The following TUSC3 variants were observed in gnomAD, a reference collection of about 807,000 sequenced individuals.
TUSC3 encodes the protein tumor suppressor candidate 3.
In TUSC3, 45 loss-of-function variants were observed where a neutral mutation model predicts 44.8. That is an observed-to-expected ratio of 1.00 (90% CI 0.79 to 1.29). TUSC3 has a LOEUF of 1.29. Among genes scored for constraint, TUSC3 ranks in the 50% most tolerant of loss-of-function variants. The pLI is 0.00. For missense variants in TUSC3, 519 were observed against 437.9 expected (o/e 1.19, Z -1.65); for synonymous variants, 212 against 152.9 (o/e 1.39, Z -2.85).
chr8:15,719,495 TCACACACACACACACACACAC>T (rs1204860628), intron 6 of TUSC3, among the ~76,000 whole-genome samples: 4,621 of 145,284 alleles, frequency 0.032, 220 homozygotes, highest in African/African-American at 0.099. Context: ...ATACAGTTCA[TCACACACACACACACACACAC>T]CACACACACA....
intron 6 of TUSC3, among the ~76,000 whole-genome samples, chr8:15,683,853 T>C (rs1223836232): frequency 1.3e-5 from 2 of 152,148 alleles, no homozygotes; most frequent in Non-Finnish European, 2.9e-5. Flanking sequence ...TGGTATATGG[T>C]GTGTATAGTC....
intron 1 of TUSC3, among the ~76,000 whole-genome samples, chr8:15,547,513 C>G (rs534137232): frequency 6.6e-6 from 1 of 151,576 alleles, no homozygotes; most frequent in African/African-American, 2.4e-5. Flanking sequence ...GATAATAAGG[C>G]TTAAATTATA....
chr8:15,596,327 G>A (rs1163410377), intron 1 of TUSC3, among the ~76,000 whole-genome samples: 4 of 152,148 alleles, frequency 2.6e-5, no homozygotes, highest in Non-Finnish European at 5.9e-5. Context: ...TTAACATGCC[G>A]TGTAAGAGTA....
intron 6 of TUSC3, 32 bp downstream of exon 6, chr8:15,673,868 A>T: frequency 6.4e-7 from 1 of 1,551,774 alleles, no homozygotes; most frequent in Non-Finnish European, 8.9e-7. Context: ...GAATATTCTG[A>T]AGTTTAATCC....
Position 15,764,427 on chromosome 8 carries a change from C to G in TUSC3, c.*271C>G. On this transcript the variant is annotated 3_prime_UTR_variant, in exon 11 of 11. Transcript: ENST00000503731. ...ACAAAGGAAATATCAAAGTGTTTTTCAAGCCTGTTATATTCAGTGTGTGCC... is the reference window on the plus strand; with the variant it reads ...ACAAAGGAAATATCAAAGTGTTTTTGAAGCCTGTTATATTCAGTGTGTGCC... 1 of 521,658 alleles carries G rather than the reference C, an allele frequency of 1.9e-6. No individual in the cohort carries two copies. Among genetic ancestry groups the G allele is most frequent in the South Asian group, 2.2e-5 (1 of 45,500 alleles). The allele number at this position is 521,658 out of a possible 1,614,324, so 32.3% of individuals were successfully genotyped here. A position where few individuals can be genotyped will look rare whatever the true frequency, so the allele number is the denominator to read the frequency against.
intron 1 of TUSC3, among the ~76,000 whole-genome samples, chr8:15,578,970 A>C (rs930138549): frequency 4.6e-5 from 7 of 152,098 alleles, no homozygotes; most frequent in Non-Finnish European, 1.0e-4. Context: ...CTGGTAAGCT[A>C]TTGATTATTG....
chr8:15,507,338 T>C (rs1480459077), intron 2 of TUSC3, among the ~76,000 whole-genome samples: 1 of 152,234 alleles, frequency 6.6e-6, no homozygotes, highest in African/African-American at 2.4e-5. Flanking sequence ...TATTATTTTT[T>C]CAGCTATCTC....
At chr8:15,510,248 C>A (rs192136780) in intron 2 of TUSC3, among the ~76,000 whole-genome samples, 1 of 151,718 alleles carries the variant, frequency 6.6e-6, no homozygotes, top group East Asian at 1.9e-4. Context: ...AAGTGGAAAC[C>A]AATGCAATAG....
the TUSC3 span, among the ~76,000 whole-genome samples, chr8:15,808,958 G>A: frequency 0.83 from 126,796 of 152,058 alleles, 53,061 homozygotes; most frequent in Non-Finnish European, 0.87. Context: ...ATTTTGTATA[G>A]TATGTACAGT....
rs1811992519 is a variant in TUSC3 at position 15,757,797 on chromosome 8, G to A, written c.1035G>A (p.Leu345=). 1 of 1,452,186 alleles carries A rather than the reference G, an allele frequency of 6.9e-7. No individual in the cohort carries two copies. Among genetic ancestry groups the A allele is most frequent in the Non-Finnish European group, 9.7e-7 (1 of 1,032,636 alleles). The allele number at this position is 1,452,186 out of a possible 1,614,324, so 90.0% of individuals were successfully genotyped here. ...ATTGTGGTGTATTGGAAAGTGATCTGGACTTTGAGTGAGAAGATGTGATTT... is the reference window on the plus strand; with the variant it reads ...ATTGTGGTGTATTGGAAAGTGATCTAGACTTTGAGTGAGAAGATGTGATTT... ...SKYHGYPYSD[L]DFE Residue 345 remains leucine, a synonymous_variant, in exon 10 of 11, where the codon CTG becomes CTA. Transcript: ENST00000503731.
At chr8:15,582,943 A>G (rs917151873) in intron 1 of TUSC3, among the ~76,000 whole-genome samples, 2 of 152,168 alleles carry the variant, frequency 1.3e-5, no homozygotes, top group African/African-American at 2.4e-5. Context: ...TATACCTCAA[A>G]TTGCAATTCT....
chr8:15,524,415 T>G (rs1002477863), intron 2 of TUSC3, among the ~76,000 whole-genome samples: 2 of 152,168 alleles, frequency 1.3e-5, no homozygotes, highest in African/African-American at 4.8e-5. Flanking sequence ...CCTTTGAGTT[T>G]GGAATAGTGT....
chr8:15,577,804 T>C (rs1803174215), intron 1 of TUSC3, among the ~76,000 whole-genome samples: 1 of 147,352 alleles, frequency 6.8e-6, no homozygotes, highest in Non-Finnish European at 1.5e-5. Flanking sequence ...CGGGCTCTTT[T>C]TTGGTTCCAT....
the TUSC3 span, among the ~76,000 whole-genome samples, chr8:15,791,926 C>G: frequency 0.019 from 2,964 of 152,184 alleles, 105 homozygotes; most frequent in African/African-American, 0.067. Context: ...AGTGTGAAAA[C>G]TCAACCGGTG....
At chr8:15,699,028 T>G (rs1809287209) in intron 6 of TUSC3, among the ~76,000 whole-genome samples, 1 of 152,044 alleles carries the variant, frequency 6.6e-6, no homozygotes, top group Non-Finnish European at 1.5e-5. Flanking sequence ...TAAAATTTTT[T>G]GTAGAGACAG....
chr8:15,561,993 A>G (rs935260798), intron 1 of TUSC3, among the ~76,000 whole-genome samples: 3 of 152,196 alleles, frequency 2.0e-5, no homozygotes, highest in African/African-American at 7.2e-5. Flanking sequence ...AGCTGTAGAC[A>G]GGAGCTGTTC....
chr8:15,609,341 C>T (rs1804663673), intron 1 of TUSC3, among the ~76,000 whole-genome samples: 1 of 152,256 alleles, frequency 6.6e-6, no homozygotes, highest in South Asian at 2.1e-4. Context: ...ACCTGCTATA[C>T]TCATTTACAC....
At chr8:15,745,360 T>TTAAG (rs1171186316) in intron 8 of TUSC3, among the ~76,000 whole-genome samples, 2 of 152,132 alleles carry the variant, frequency 1.3e-5, no homozygotes, top group Non-Finnish European at 2.9e-5. Flanking sequence ...TAGCACTGTG[T>TTAAG]TAAGTTTTTT....
intron 1 of TUSC3, among the ~76,000 whole-genome samples, chr8:15,553,472 GATAA>G: frequency 1.0e-5 from 1 of 99,132 alleles, no homozygotes; most frequent in South Asian, 3.5e-4. Context: ...GGTCAACAGT[GATAA>G]GTTTGGACTT....
Sources: allele counts gnomAD v4.1 joint callset (sites outside exome capture counted in the v4.1 genomes callset), GRCh38; gene constraint gnomAD v4.1.1; transcripts MANE v1.5; gene names NCBI Gene and HGNC (gene_info 2026-07-23, HGNC 2026-07-21).